Variants in MLLT1 observed in about 807,000 individuals in gnomAD.
MLLT1 encodes the protein protein ENL.
In MLLT1, 11 loss-of-function variants were observed where a neutral mutation model predicts 55.1. The ratio of observed to expected loss-of-function variants is 0.20; its 90% CI spans 0.13 to 0.33. MLLT1 has a LOEUF of 0.33. Among genes scored for constraint, MLLT1 ranks in the 10% least tolerant of loss-of-function variants. MLLT1 has a pLI of 1.00. For missense variants in MLLT1, 536 were observed against 760.6 expected, an observed-to-expected ratio of 0.70 and a Z score of 3.47; for synonymous variants, 323 against 320.1, an observed-to-expected ratio of 1.01 and a Z score of -0.10.
intron 3 of MLLT1, among the ~76,000 whole-genome samples, chr19:6,247,797 A>G (rs2091181789): frequency 6.6e-6 from 1 of 152,192 alleles, no homozygotes; most frequent in South Asian, 2.1e-4. Context: ...GAAAATCTGC[A>G]ATTTAAAATG....
At chr19:6,279,395 A>G (rs1179768662) in intron 1 of MLLT1, among the ~76,000 whole-genome samples, 3 of 152,020 alleles carry the variant, frequency 2.0e-5, no homozygotes, top group South Asian at 2.1e-4. Flanking sequence ...GCTCTGGGCC[A>G]GGCTGAAGTC....
rs7250380 is a variant in MLLT1, at chr19:6,230,278, G to A, written c.420+292C>T. 0.28 allele frequency among the ~76,000 whole-genome samples: 42,662 copies of A among 152,192 alleles called. 6,941 individuals are homozygous for A. Among genetic ancestry groups the A allele is most frequent in the African/African-American group, 0.44 (18,326 of 41,506 alleles). On this transcript the variant is annotated intron_variant, in intron 4 of 11. Coordinates refer to ENST00000252674, the MANE Select transcript of MLLT1 (RefSeq NM_005934.4). This position sits in a 1 kb window ranked among gnomAD's most constrained non-coding sequence, Gnocchi z 9.0. ...AAGCCAGCTCCAGGCCCAGCCACGC[G>A]GTCAGACCAGCCTCGCGCCCATCCC...
chr19:6,255,233 C>CTG (rs2091248475), intron 3 of MLLT1, among the ~76,000 whole-genome samples: 1 of 152,204 alleles, frequency 6.6e-6, no homozygotes, highest in South Asian at 2.1e-4. Flanking sequence ...TGGCTCATGC[C>CTG]TGTAATCCCA....
chr19:6,266,835 G>A (rs1218823301), intron 2 of MLLT1, among the ~76,000 whole-genome samples: 2 of 152,234 alleles, frequency 1.3e-5, no homozygotes, highest in Admixed American at 1.3e-4. Flanking sequence ...CAAAACACAG[G>A]CCGATAAACA....
At chr19:6,268,387 T>G (rs1048295087) in intron 2 of MLLT1, among the ~76,000 whole-genome samples, 1 of 138,120 alleles carries the variant, frequency 7.2e-6, no homozygotes. Context: ...ATTTAAAAAA[T>G]CAAGAAATAA....
At chr19:6,266,787 T>C (rs2091352495) in intron 2 of MLLT1, among the ~76,000 whole-genome samples, 1 of 152,132 alleles carries the variant, frequency 6.6e-6, no homozygotes, top group East Asian at 1.9e-4. Flanking sequence ...CTTGGAATAT[T>C]ACTTGAGACA....
chr19:6,268,933 G>C (rs865975074), intron 2 of MLLT1, among the ~76,000 whole-genome samples: 6 of 152,222 alleles, frequency 3.9e-5, no homozygotes, highest in African/African-American at 7.2e-5. Flanking sequence ...ATGTCAACGT[G>C]GTGGGGAACA....
intron 3 of MLLT1, among the ~76,000 whole-genome samples, chr19:6,233,612 C>T (rs2091032773): frequency 6.6e-6 from 1 of 152,242 alleles, no homozygotes; most frequent in South Asian, 2.1e-4. Context: ...AAGTTTCTCA[C>T]CACCTCTCTT....
chr19:6,216,832 C>G (rs754652892), intron 7 of MLLT1: 5 of 331,200 alleles, frequency 1.5e-5, no homozygotes, highest in Non-Finnish European at 2.8e-5. Flanking sequence ...CTCCTCTGCT[C>G]GGGGCACAGA....
chr19:6,217,995 C>A lies in MLLT1; in HGVS notation c.1157G>T (p.Ser386Ile). 6.2e-7 allele frequency: 1 copy of A among 1,608,330 alleles called. No individual in the cohort carries two copies. Among genetic ancestry groups the A allele is most frequent in the Non-Finnish European group, 8.5e-7 (1 of 1,177,352 alleles). ...GGATGGCTCGAAGTCTGAGTCTGAG[C>A]TGGAGTCTGAGCTGGAGCTGGAGTT... is the stretch of plus-strand genomic sequence containing the variant. ...PSNSSSSSDS[S>I]SDSDFEPSQN... Residue 386 changes from serine (S) to isoleucine (I), a missense_variant, in exon 7 of 12, where the codon AGC becomes ATC. By Grantham distance (142) the Ser-to-Ile change is moderately radical. This residue lies in a region of MLLT1 where 449 missense variants were observed against 489.0 expected (regional missense o/e 0.92). Transcript: ENST00000252674.
At chr19:6,278,652 C>T (rs979911731) in intron 1 of MLLT1, among the ~76,000 whole-genome samples, 7 of 152,130 alleles carry the variant, frequency 4.6e-5, no homozygotes. Context: ...GGAGGGAGAT[C>T]TGGACTGGGG....
intron 10 of MLLT1, 24 bp downstream of exon 10, chr19:6,213,702 G>T: frequency 1.0e-5 from 3 of 291,616 alleles, no homozygotes; most frequent in South Asian, 3.1e-5. Flanking sequence ...TAGCCTCCCC[G>T]CCTTGTCGTA....
chr19:6,272,333 G>A (rs2091402195), intron 1 of MLLT1, among the ~76,000 whole-genome samples: 1 of 152,166 alleles, frequency 6.6e-6, no homozygotes, highest in Admixed American at 6.5e-5. Context: ...AGGAAATGCA[G>A]GAAACGCGCA....
At chr19:6,266,355 A>G (rs2091349373) in intron 2 of MLLT1, among the ~76,000 whole-genome samples, 1 of 152,110 alleles carries the variant, frequency 6.6e-6, no homozygotes, top group Non-Finnish European at 1.5e-5. Flanking sequence ...CCAAACCACA[A>G]AACTACACCC....
chr19:6,245,706 G>A lies in MLLT1; in HGVS notation c.277-14993C>T, dbSNP rs376954953. Among the ~76,000 whole-genome samples the A allele has an allele frequency of 9.3e-5, 14 of 150,664 alleles. No homozygotes were observed. The East Asian group carries it at 1.6e-3, about 17-fold the overall frequency. Reference sequence around the variant, plus strand: ...AGCCTCGGCGACAGAGCGAGACTCCGTCTCAAAAAATAAACAAATAAAATT... The same window carrying A: ...AGCCTCGGCGACAGAGCGAGACTCCATCTCAAAAAATAAACAAATAAAATT... On this transcript the variant is annotated intron_variant, in intron 3 of 11. Transcript: ENST00000252674.
At chr19:6,236,191 G>A (rs775779572) in intron 3 of MLLT1, among the ~76,000 whole-genome samples, 48 of 152,186 alleles carry the variant, frequency 3.2e-4, no homozygotes, top group Non-Finnish European at 5.1e-4. Flanking sequence ...GCACAAAGGC[G>A]AAACAGCCAC....
rs372799886 is a variant in MLLT1, at chr19:6,243,913, G to A, written c.277-13200C>T. ...AAAAAAATTAGCCAGGCATGGTGGC[G>A]GGCGCCTGTAGTCCCAGCCACTCGG... On this transcript the variant is annotated intron_variant, in intron 3 of 11. Transcript: ENST00000252674. Among the ~76,000 whole-genome samples the A allele has an allele frequency of 1.1e-4, 17 of 151,820 alleles. No homozygotes were observed. In the East Asian group the frequency reaches 2.9e-3, roughly 26 times the overall value.
At chr19:6,245,717 TAAAC>T (rs1489998535) in intron 3 of MLLT1, among the ~76,000 whole-genome samples, 1 of 142,122 alleles carries the variant, frequency 7.0e-6, no homozygotes, top group East Asian at 2.0e-4. Flanking sequence ...TCTCAAAAAA[TAAAC>T]AAATAAAATT....
intron 2 of MLLT1, among the ~76,000 whole-genome samples, chr19:6,267,102 A>G (rs1568297114): frequency 6.6e-6 from 1 of 151,966 alleles, no homozygotes; most frequent in Non-Finnish European, 1.5e-5. Flanking sequence ...CCCCATCTCT[A>G]AAAGAATTTT....
Sources: gnomAD v4.1 joint callset for allele counts (sites outside exome capture counted in the v4.1 genomes callset) on GRCh38, gnomAD v4.1.1 for gene constraint, gnomAD v4.1.1 regional missense constraint, Gnocchi (gnomAD v3.1) non-coding constraint, MANE v1.5 for transcripts, NCBI Gene and HGNC (gene_info 2026-07-23, HGNC 2026-07-21) for gene names.